Variants in TFEB observed in about 807,000 individuals in gnomAD.
TFEB encodes the protein T-cell transcription factor EB.
TFEB carries 12 observed loss-of-function variants against 48.0 expected under a neutral mutation model. The ratio of observed to expected loss-of-function variants is 0.25; its 90% CI spans 0.16 to 0.40. The LOEUF is 0.40. TFEB is among the 10% of genes least tolerant of loss of function. The probability of loss-of-function intolerance (pLI) is 1.00; values close to 1 mark genes in which losing one functional copy is unlikely to be tolerated. For missense variants in TFEB, 509 were observed against 640.3 expected, an observed-to-expected ratio of 0.79 and a Z score of 2.21; for synonymous variants, 244 against 261.4, an observed-to-expected ratio of 0.93 and a Z score of 0.64.
intron 1 of TFEB, among the ~76,000 whole-genome samples, chr6:41,705,402 T>C (rs1418687909): frequency 2.0e-5 from 3 of 152,172 alleles, no homozygotes; most frequent in Non-Finnish European, 4.4e-5. Context: ...ACCATCCTCC[T>C]CACCAGGTTG....
rs976844450 is a variant in TFEB, at chr6:41,733,062, G to C, written c.-23+2288C>G. ...GGTGCTAAGTAACTCTATTAACTCTGGCTAATGATGCAATTACAGTCATAA... is the reference window on the plus strand; with the variant it reads ...GGTGCTAAGTAACTCTATTAACTCTCGCTAATGATGCAATTACAGTCATAA... On this transcript the variant is annotated intron_variant, in intron 1 of 8. Coordinates refer to ENST00000373033, the MANE Select transcript of TFEB (RefSeq NM_001271944.2). 15 of 985,284 alleles carry C rather than the reference G, an allele frequency of 1.5e-5. No individual in the cohort carries two copies. In the African/African-American group the frequency reaches 2.6e-4, roughly 17 times the overall value. The allele number at this position is 985,284 out of a possible 1,614,324, so 61.0% of individuals were successfully genotyped here.
chr6:41,695,279 T>C (rs1769519005), intron 1 of TFEB, among the ~76,000 whole-genome samples: 1 of 152,206 alleles, frequency 6.6e-6, no homozygotes, highest in East Asian at 1.9e-4. Context: ...AGAGCTGGTT[T>C]CATCCAGTCT....
intron 7 of TFEB, chr6:41,686,812 G>A: frequency 2.0e-6 from 1 of 490,414 alleles, no homozygotes; most frequent in Non-Finnish European, 3.7e-6. Flanking sequence ...CCGGCCTCTT[G>A]TCTGCCAGCC....
upstream of TFEB, chr6:41,736,117 T>C (rs752465813): frequency 6.2e-7 from 1 of 1,612,748 alleles, no homozygotes; most frequent in South Asian, 1.1e-5. Context: ...CTGCCCCCAT[T>C]ATGGGTTCTA....
chr6:41,696,863 G>A (rs1389716390), intron 1 of TFEB, among the ~76,000 whole-genome samples: 4 of 152,100 alleles, frequency 2.6e-5, no homozygotes, highest in South Asian at 2.1e-4. Flanking sequence ...CATGCTCTGC[G>A]TATATGAGTT....
intron 1 of TFEB, among the ~76,000 whole-genome samples, chr6:41,708,000 G>A (rs964458323): frequency 5.3e-5 from 8 of 152,332 alleles, no homozygotes; most frequent in African/African-American, 9.6e-5. Context: ...GCTCTGTGGC[G>A]CTCAGCACGT....
chr6:41,695,069 G>A (rs1013617809), intron 1 of TFEB, among the ~76,000 whole-genome samples: 1 of 152,204 alleles, frequency 6.6e-6, no homozygotes, highest in South Asian at 2.1e-4. Flanking sequence ...AATGAGTTCT[G>A]TAATCCCACA....
intron 1 of TFEB, among the ~76,000 whole-genome samples, chr6:41,704,660 C>A (rs1357614371): frequency 6.6e-6 from 1 of 152,218 alleles, no homozygotes; most frequent in Non-Finnish European, 1.5e-5. Context: ...GATGTGTGGG[C>A]ACATTAAAGA....
intron 1 of TFEB, among the ~76,000 whole-genome samples, chr6:41,731,434 C>T (rs943761595): frequency 6.6e-6 from 1 of 152,324 alleles, no homozygotes; most frequent in East Asian, 1.9e-4. Flanking sequence ...AAGCTCAATT[C>T]TGCGGACTGC....
chr6:41,691,401 G>A lies in TFEB; in HGVS notation c.-22-166C>T, dbSNP rs1173747495. On this transcript the variant is annotated intron_variant, in intron 1 of 8. Transcript: ENST00000373033. The surrounding 1 kb of genome is among the most constrained non-coding windows in gnomAD (Gnocchi z 5.2). ...GCCCAAGGTCACTGAGCAAGCGGGT[G>A]ACAGCTGAGACATGAATCCAAGTTT... 2.6e-6 allele frequency: 2 copies of A among 762,150 alleles called. No individual in the cohort carries two copies. The highest frequency in any genetic ancestry group is 2.0e-5 in the Admixed American group (1 of 50,040). The allele number at this position is 762,150 out of a possible 1,614,324, so 47.2% of individuals were successfully genotyped here.
chr6:41,704,886 G>GAATGCAAGCCCACCCA (rs1770124831), intron 1 of TFEB, among the ~76,000 whole-genome samples: 1 of 152,260 alleles, frequency 6.6e-6, no homozygotes, highest in African/African-American at 2.4e-5. Flanking sequence ...CAAGGCTGCA[G>GAATGCAAGCCCACCCA]GTGGGCTCTG....
rs182264834 is a variant in TFEB at position 41,684,989 on chromosome 6, C to T, written c.1041G>A (p.Lys347=). 4.0e-5 allele frequency: 62 copies of T among 1,566,684 alleles called. 1 individual carries two copies. In the East Asian group the frequency reaches 6.3e-4, roughly 16 times the overall value. Residue 347 remains lysine, a synonymous_variant, in exon 9 of 9, where the codon AAG becomes AAA. Transcript: ENST00000373033. The stretch of plus-strand genomic sequence containing the variant: ...GGCCCTCTTCGCTAGGCAGCTCCTG[C>T]TTCACCACCTGCTGGGCCAGCTCAG... ...NMAELAQQVV[K]QELPSEEGPG... is the part of the protein sequence containing the mutation.
intron 1 of TFEB, among the ~76,000 whole-genome samples, chr6:41,702,941 C>T (rs1335862115): frequency 6.6e-6 from 1 of 152,228 alleles, no homozygotes; most frequent in Non-Finnish European, 1.5e-5. Context: ...TGCCGCCTGC[C>T]TGGTGTGCTG....
intron 1 of TFEB, among the ~76,000 whole-genome samples, chr6:41,719,618 G>T (rs746620534): frequency 1.3e-5 from 2 of 152,220 alleles, no homozygotes; most frequent in Non-Finnish European, 2.9e-5. Flanking sequence ...TTACTGGCAT[G>T]CAGGTCATGT....
intron 6 of TFEB, among the ~76,000 whole-genome samples, chr6:41,687,515 A>G (rs953415115): frequency 2.6e-5 from 4 of 152,224 alleles, no homozygotes; most frequent in African/African-American, 9.6e-5. Flanking sequence ...TGGGGGTTTC[A>G]TGAATATCCC....
chr6:41,701,293 C>G (rs1260089992), intron 1 of TFEB, among the ~76,000 whole-genome samples: 1 of 152,188 alleles, frequency 6.6e-6, no homozygotes, highest in Non-Finnish European at 1.5e-5. Context: ...CCCCTGCACC[C>G]GCCTCCTGGG....
Position 41,690,240 on chromosome 6 carries a change from C to G in TFEB, c.468+423G>C, listed in dbSNP as rs138195678. Among the ~76,000 whole-genome samples, 956 of 152,168 alleles carry G rather than the reference C, an allele frequency of 6.3e-3. 11 individuals carry two copies. Among genetic ancestry groups the G allele is most frequent in the African/African-American group, 0.022 (899 of 41,516 alleles). ...CCGCCTTCCCGATTCAAGTGATTCT[C>G]CTGCCTCAGCCTCCCAAGTAGCTGG... On this transcript the variant is annotated intron_variant, in intron 3 of 8. Transcript: ENST00000373033.
intron 1 of TFEB, among the ~76,000 whole-genome samples, chr6:41,703,622 G>T (rs1770051429): frequency 6.6e-6 from 1 of 152,260 alleles, no homozygotes; most frequent in Non-Finnish European, 1.5e-5. Flanking sequence ...AACAAAAGAA[G>T]ACAGTGGAGA....
Position 41,734,756 on chromosome 6 carries a change from C to A in TFEB, c.-23+594G>T. 4.1e-6 allele frequency: 2 copies of A among 490,978 alleles called. No individual in the cohort carries two copies. Among genetic ancestry groups the A allele is most frequent in the Non-Finnish European group, 5.3e-6 (2 of 377,470 alleles). The allele number at this position is 490,978 out of a possible 1,614,324, so 30.4% of individuals were successfully genotyped here. Reference sequence around the variant, plus strand: ...GGGGCGGCTTCTTCAAGAGACCGAGCTGGAGGAAGGGACGGGAAGGGAGGG... The same window carrying A: ...GGGGCGGCTTCTTCAAGAGACCGAGATGGAGGAAGGGACGGGAAGGGAGGG... On this transcript the variant is annotated intron_variant, in intron 1 of 8. Transcript: ENST00000373033. This position sits in a 1 kb window ranked among gnomAD's most constrained non-coding sequence, Gnocchi z 4.0.
Sources: gnomAD v4.1 joint callset for allele counts (sites outside exome capture counted in the v4.1 genomes callset) on GRCh38, gnomAD v4.1.1 for gene constraint, Gnocchi (gnomAD v3.1) non-coding constraint, MANE v1.5 for transcripts, NCBI Gene and HGNC (gene_info 2026-07-23, HGNC 2026-07-21) for gene names.